Variants in KCNIP4 observed in about 807,000 individuals in gnomAD.
KCNIP4 encodes the protein Kv channel-interacting protein 4.
In KCNIP4, 12 loss-of-function variants were observed where a neutral mutation model predicts 34.0. The ratio of observed to expected loss-of-function variants is 0.35; its 90% CI spans 0.23 to 0.57. The LOEUF (loss-of-function observed/expected upper bound fraction) is 0.57, where lower values mean the gene tolerates loss of function less well. Among genes scored for constraint, KCNIP4 ranks in the 20% least tolerant of loss-of-function variants. KCNIP4 has a pLI of 0.83. For synonymous variants in KCNIP4, 124 were observed against 102.2 expected, an observed-to-expected ratio of 1.21 and a Z score of -1.29; for missense variants, 238 against 311.7, an observed-to-expected ratio of 0.76 and a Z score of 1.78.
chr4:21,283,479 G>A (rs1232763106), intron 1 of KCNIP4, among the ~76,000 whole-genome samples: 1 of 151,452 alleles, frequency 6.6e-6, no homozygotes, highest in Non-Finnish European at 1.5e-5. Context: ...ATACCATTAT[G>A]TTTTCATATA....
intron 1 of KCNIP4, among the ~76,000 whole-genome samples, chr4:21,121,086 T>C (rs1577727775): frequency 6.6e-6 from 1 of 152,192 alleles, no homozygotes; most frequent in Admixed American, 6.5e-5. Flanking sequence ...TATTCTGGAA[T>C]GGCATAAGTG....
At chr4:21,892,541 G>A (rs1406008742) in intron 1 of KCNIP4, among the ~76,000 whole-genome samples, 59 of 66,044 alleles carry the variant, frequency 8.9e-4, no homozygotes, top group African/African-American at 9.7e-4. Context: ...AAAAGCAAAA[G>A]CAAAAAAGTA....
intron 1 of KCNIP4, among the ~76,000 whole-genome samples, chr4:21,439,102 C>T (rs979593683): frequency 4.7e-5 from 7 of 147,520 alleles, no homozygotes; most frequent in Non-Finnish European, 8.9e-5. Context: ...GCGGAGCTTG[C>T]AGTGAGCCGA....
intron 1 of KCNIP4, among the ~76,000 whole-genome samples, chr4:21,018,586 T>C (rs530611038): frequency 6.6e-6 from 1 of 152,264 alleles, no homozygotes; most frequent in Admixed American, 6.5e-5. Flanking sequence ...CAGAACTCCC[T>C]GAAAGATTGC....
rs573089571 is a variant in KCNIP4 at position 21,392,802 on chromosome 4, A to G, written c.62-510093T>C. On this transcript the variant is annotated intron_variant, in intron 1 of 8. Coordinates refer to ENST00000382152, the MANE Select transcript of KCNIP4 (RefSeq NM_025221.6). ...ATTTGAACAGAGATGGATGGCTTTA[A>G]ATGACGGTCACTAATTAAGAGACCG... Among the ~76,000 whole-genome samples, 149 of 152,318 alleles carry G rather than the reference A, an allele frequency of 9.8e-4. 1 individual carries two copies. The highest frequency in any genetic ancestry group is 1.9e-3 in the Non-Finnish European group (126 of 68,026).
At chr4:21,062,172 A>G (rs1033498579) in intron 1 of KCNIP4, among the ~76,000 whole-genome samples, 10 of 152,264 alleles carry the variant, frequency 6.6e-5, no homozygotes, top group African/African-American at 2.2e-4. Context: ...GTCCTGTGCT[A>G]ATGGATGTAG....
intron 1 of KCNIP4, among the ~76,000 whole-genome samples, chr4:21,932,355 C>T (rs963131584): frequency 6.6e-6 from 1 of 152,076 alleles, no homozygotes; most frequent in Non-Finnish European, 1.5e-5. Flanking sequence ...ACAGGAACAA[C>T]AGTAACTGGC....
intron 1 of KCNIP4, among the ~76,000 whole-genome samples, chr4:21,264,098 T>C (rs1362883161): frequency 6.6e-6 from 1 of 152,134 alleles, no homozygotes; most frequent in African/African-American, 2.4e-5. Context: ...TTAAACCTCA[T>C]CATGCAGCCT....
At chr4:21,245,676 A>C (rs771202385) in intron 1 of KCNIP4, among the ~76,000 whole-genome samples, 8 of 152,178 alleles carry the variant, frequency 5.3e-5, no homozygotes, top group African/African-American at 1.9e-4. Flanking sequence ...GGAACTAGGA[A>C]TTCAGGAGAA....
intron 1 of KCNIP4, among the ~76,000 whole-genome samples, chr4:21,551,753 T>C (rs965405483): frequency 7.2e-5 from 11 of 152,064 alleles, no homozygotes; most frequent in African/African-American, 2.7e-4. Flanking sequence ...CTTAGTTCCT[T>C]TTCCTACCTT....
At chr4:21,474,113 G>C (rs1730706163) in intron 1 of KCNIP4, among the ~76,000 whole-genome samples, 1 of 152,116 alleles carries the variant, frequency 6.6e-6, no homozygotes, top group Non-Finnish European at 1.5e-5. Context: ...TGTGTAGAAT[G>C]ATTCTAAAGC....
intron 1 of KCNIP4, among the ~76,000 whole-genome samples, chr4:20,923,687 T>C (rs1454271433): frequency 1.3e-5 from 2 of 152,168 alleles, no homozygotes; most frequent in African/African-American, 4.8e-5. Context: ...TGCACTTATT[T>C]CTACAAAACA....
At chr4:21,528,671 AAAACAAAGAAAGAAAG>A (rs1736195681) in intron 1 of KCNIP4, among the ~76,000 whole-genome samples, 1 of 115,626 alleles carries the variant, frequency 8.6e-6, no homozygotes, top group Non-Finnish European at 1.8e-5. Flanking sequence ...TGTCTCATAA[AAAACAAAGAAAGAAAG>A]AAAGAAAGAA....
intron 5 of KCNIP4, among the ~76,000 whole-genome samples, chr4:20,741,125 G>C (rs1475125376): frequency 6.6e-6 from 1 of 152,066 alleles, no homozygotes; most frequent in Non-Finnish European, 1.5e-5. Context: ...AATAATGGGA[G>C]GCTTTAACAC....
At chr4:20,895,980 T>A (rs1726474861) in intron 1 of KCNIP4, among the ~76,000 whole-genome samples, 1 of 152,230 alleles carries the variant, frequency 6.6e-6, no homozygotes, top group Non-Finnish European at 1.5e-5. Flanking sequence ...TGGAGCTTTT[T>A]AGCTCAAACA....
At chr4:21,023,650 T>A (rs1740269253) in intron 1 of KCNIP4, among the ~76,000 whole-genome samples, 1 of 152,038 alleles carries the variant, frequency 6.6e-6, no homozygotes, top group Non-Finnish European at 1.5e-5. Flanking sequence ...ATACCTGTGA[T>A]CCTAGTGCTT....
chr4:21,691,456 T>A (rs1711625795), intron 1 of KCNIP4, among the ~76,000 whole-genome samples: 1 of 152,154 alleles, frequency 6.6e-6, no homozygotes, highest in African/African-American at 2.4e-5. Flanking sequence ...TACCCCTTAT[T>A]GCTCCAATAT....
intron 1 of KCNIP4, among the ~76,000 whole-genome samples, chr4:21,767,757 T>G (rs1237419563): frequency 6.6e-6 from 1 of 152,038 alleles, no homozygotes; most frequent in Non-Finnish European, 1.5e-5. Context: ...AGAATTTGAT[T>G]CAGAAATGGA....
intron 1 of KCNIP4, among the ~76,000 whole-genome samples, chr4:21,571,620 G>T (rs951499860): frequency 2.6e-5 from 4 of 152,246 alleles, no homozygotes; most frequent in Admixed American, 6.5e-5. Flanking sequence ...ACTGCAGAAA[G>T]CAGGAAGAGG....
Sources: gnomAD v4.1 joint callset for allele counts (sites outside exome capture counted in the v4.1 genomes callset) on GRCh38, gnomAD v4.1.1 for gene constraint, MANE v1.5 for transcripts, NCBI Gene and HGNC (gene_info 2026-07-23, HGNC 2026-07-21) for gene names.